The following GALK2 variants were observed in gnomAD, a reference collection of about 807,000 sequenced individuals.
The protein encoded by GALK2 is N-acetylgalactosamine kinase.
In GALK2, 36 loss-of-function variants were observed where a neutral mutation model predicts 52.4. The ratio of observed to expected loss-of-function variants is 0.69; its 90% CI spans 0.53 to 0.91. The LOEUF is 0.91. GALK2 is among the 40% of genes least tolerant of loss of function. The pLI is 0.00. For missense variants in GALK2, 579 were observed against 559.1 expected (o/e 1.04, Z -0.36); for synonymous variants, 176 against 199.1 (o/e 0.88, Z 0.98).
At chr15:49,277,057 T>C (rs1666948288) in intron 5 of GALK2, among the ~76,000 whole-genome samples, 1 of 141,242 alleles carries the variant, frequency 7.1e-6, no homozygotes, top group African/African-American at 2.6e-5. Context: ...CACTGCAAGC[T>C]CCGCCTCCTG....
intron 3 of GALK2, among the ~76,000 whole-genome samples, chr15:49,230,005 C>G (rs1215672678): frequency 6.6e-6 from 1 of 152,140 alleles, no homozygotes; most frequent in Admixed American, 6.5e-5. Context: ...CACAGCAGTC[C>G]CACTGCTGGG....
intron 1 of GALK2, among the ~76,000 whole-genome samples, chr15:49,189,079 T>C (rs1418741606): frequency 6.6e-6 from 1 of 152,210 alleles, no homozygotes; most frequent in Non-Finnish European, 1.5e-5. Flanking sequence ...TATCCCCTGC[T>C]TTTTTATAGA....
intron 8 of GALK2, among the ~76,000 whole-genome samples, chr15:49,297,045 A>C (rs1051375463): frequency 3.3e-5 from 5 of 152,336 alleles, no homozygotes; most frequent in Middle Eastern, 3.4e-3. Context: ...TTACGTTCTC[A>C]CTAGCAGTGT....
Position 49,342,191 on chromosome 15 carries a change from T to C in GALK2, c.426+22386T>C, listed in dbSNP as rs144342593. Among the ~76,000 whole-genome samples, 1,041 of 152,326 alleles carry C rather than the reference T, an allele frequency of 6.8e-3. 7 individuals carry two copies. Among genetic ancestry groups the C allele is most frequent in the Non-Finnish European group, 0.011 (782 of 68,010 alleles). On this transcript the variant is annotated intron_variant, in intron 3 of 3. Transcript: ENST00000558399. The stretch of plus-strand genomic sequence containing the variant: ...CTTTTTGTATGTGTAAAAGTAGTTG[T>C]TTTATGAATCTGGGTGATCCAATGC...
chr15:49,361,372 C>G (rs906365564), intron 3 of GALK2, among the ~76,000 whole-genome samples: 3 of 151,544 alleles, frequency 2.0e-5, no homozygotes, highest in Non-Finnish European at 4.4e-5. Flanking sequence ...ACCCAGTAGG[C>G]AGTTTTTTGA....
chr15:49,305,353 C>T (rs1490860221), intron 8 of GALK2, among the ~76,000 whole-genome samples: 1 of 152,080 alleles, frequency 6.6e-6, no homozygotes, highest in Non-Finnish European at 1.5e-5. Flanking sequence ...TATGACAGGC[C>T]ACCACTCTAT....
intron 1 of GALK2, among the ~76,000 whole-genome samples, chr15:49,194,364 C>T (rs908105707): frequency 6.6e-5 from 10 of 151,980 alleles, no homozygotes; most frequent in Non-Finnish European, 1.3e-4. Context: ...ATTTGAGATG[C>T]CACCATCATC....
chr15:49,359,850 A>C (rs149277397), intron 3 of GALK2, among the ~76,000 whole-genome samples: 37,189 of 114,580 alleles, frequency 0.32, 6,488 homozygotes, highest in African/African-American at 0.35. Flanking sequence ...AAATGTCCAA[A>C]AATGATAGAC....
chr15:49,367,698 GT>G (rs2045428773), exon 4 of GALK2: 2 of 1,204,698 alleles, frequency 1.7e-6, no homozygotes. Flanking sequence ...TTAGCATAAA[GT>G]TACCATTTGA....
intron 2 of GALK2, among the ~76,000 whole-genome samples, chr15:49,204,006 G>A (rs2088027055): frequency 6.6e-6 from 1 of 151,538 alleles, no homozygotes. Flanking sequence ...TCCCAGCTAC[G>A]CAGGGGGCTG....
At chr15:49,265,049 T>C (rs1261704061) in intron 5 of GALK2, among the ~76,000 whole-genome samples, 2 of 152,176 alleles carry the variant, frequency 1.3e-5, no homozygotes, top group African/African-American at 4.8e-5. Flanking sequence ...GAGGAGGCAG[T>C]CTGCCCATTC....
intron 8 of GALK2, among the ~76,000 whole-genome samples, chr15:49,304,647 A>C (rs2035400566): frequency 6.6e-6 from 1 of 152,200 alleles, no homozygotes; most frequent in South Asian, 2.1e-4. Flanking sequence ...GGATAGCTGG[A>C]ATATTTGGAA....
chr15:49,220,095 CT>C (rs2089686095), intron 3 of GALK2, among the ~76,000 whole-genome samples: 1 of 83,206 alleles, frequency 1.2e-5, no homozygotes, highest in Non-Finnish European at 2.2e-5. Context: ...GAGTCTTGTT[CT>C]GTCATTTCTG....
At chr15:49,181,658 C>T (rs986519829) in intron 1 of GALK2, among the ~76,000 whole-genome samples, 5 of 151,338 alleles carry the variant, frequency 3.3e-5, no homozygotes, top group Non-Finnish European at 2.9e-5. Flanking sequence ...ATTACAGGAG[C>T]CCGCCACCAT....
intron 1 of GALK2, chr15:49,178,391 A>ATATATG (rs1219499127): frequency 6.0e-6 from 1 of 165,466 alleles, no homozygotes; most frequent in Non-Finnish European, 1.3e-5. Flanking sequence ...ATATATATAT[A>ATATATG]TGTGAATTCA....
intron 5 of GALK2, among the ~76,000 whole-genome samples, chr15:49,266,334 TC>T (rs1451263975): frequency 6.6e-6 from 1 of 152,070 alleles, no homozygotes; most frequent in African/African-American, 2.4e-5. Flanking sequence ...ACAGATTTCA[TC>T]TTTTGATGGG....
chr15:49,271,032 C>T lies in GALK2; in HGVS notation c.505-10955C>T, dbSNP rs1015779427. Among the ~76,000 whole-genome samples, 3 of 152,148 alleles carry T rather than the reference C, an allele frequency of 2.0e-5. No individual in the cohort carries two copies. The South Asian group carries it at 6.2e-4, about 31-fold the overall frequency. On this transcript the variant is annotated intron_variant, in intron 5 of 9. Transcript: ENST00000560031. ...GGGTTCCTCTATCCATGGGAAGGAACATGCAATTCCAGGACACGCTTGCCA... is the reference window on the plus strand; with the variant it reads ...GGGTTCCTCTATCCATGGGAAGGAATATGCAATTCCAGGACACGCTTGCCA...
chr15:49,236,142 A>G (rs1474280522), intron 4 of GALK2, among the ~76,000 whole-genome samples: 1 of 152,212 alleles, frequency 6.6e-6, no homozygotes, highest in Non-Finnish European at 1.5e-5. Flanking sequence ...AGTGGTTTTT[A>G]TACAGCTGGC....
At chr15:49,322,957 A>AG (rs2037017195) in intron 9 of GALK2, among the ~76,000 whole-genome samples, 1 of 143,012 alleles carries the variant, frequency 7.0e-6, no homozygotes. Flanking sequence ...ACTCCATCTC[A>AG]GGTAAAAAAA....
Sources: gnomAD v4.1 joint callset for allele counts (sites outside exome capture counted in the v4.1 genomes callset) on GRCh38, gnomAD v4.1.1 for gene constraint, MANE v1.5 for transcripts, NCBI Gene and HGNC (gene_info 2026-07-23, HGNC 2026-07-21) for gene names.